The following LOC400499 variants were observed in gnomAD, a reference collection of about 807,000 sequenced individuals.
At chr16:11,391,692 A>G in the LOC400499 span, 39 of 1,232,032 alleles carry the variant, frequency 3.2e-5, no homozygotes, top group Non-Finnish European at 9.1e-6. Flanking sequence ...CAGCTGCTCC[A>G]GCCCCACCTG....
the LOC400499 span, among the ~76,000 whole-genome samples, chr16:11,448,357 G>C: frequency 6.6e-6 from 1 of 152,204 alleles, no homozygotes; most frequent in East Asian, 1.9e-4. Context: ...CTTTGCTAAA[G>C]TGACCAGGGT....
At chr16:11,485,568 C>T in the LOC400499 span, among the ~76,000 whole-genome samples, 5 of 152,142 alleles carry the variant, frequency 3.3e-5, no homozygotes, top group African/African-American at 4.8e-5. Context: ...TGCCCGTCCG[C>T]GCACCCCTCT....
chr16:11,384,276 C>T, the LOC400499 span: 1 of 1,232,454 alleles, frequency 8.1e-7, no homozygotes, highest in Non-Finnish European at 1.0e-6. Flanking sequence ...GCAACATCAG[C>T]TCATTGCCTG....
At chr16:11,389,914 G>A in the LOC400499 span, among the ~76,000 whole-genome samples, 2 of 152,056 alleles carry the variant, frequency 1.3e-5, no homozygotes, top group Admixed American at 6.6e-5. Flanking sequence ...GCCTACCCTC[G>A]GCCAGTGCTC....
chr16:11,522,579 T>C, the LOC400499 span, among the ~76,000 whole-genome samples: 1 of 152,194 alleles, frequency 6.6e-6, no homozygotes, highest in African/African-American at 2.4e-5. Flanking sequence ...TTGAGAAGCA[T>C]TCATCTACAG....
the LOC400499 span, among the ~76,000 whole-genome samples, chr16:11,501,249 A>G: frequency 6.6e-6 from 1 of 152,148 alleles, no homozygotes; most frequent in Admixed American, 6.5e-5. Context: ...AAACCCACCC[A>G]AGCAAATGTC....
At chr16:11,473,314 T>C in the LOC400499 span, 1 of 150,152 alleles carries the variant, frequency 6.7e-6, no homozygotes, top group Non-Finnish European at 1.5e-5. Context: ...TATATCTTCA[T>C]TAAATAGAGC....
At chr16:11,400,236 A>G in the LOC400499 span, among the ~76,000 whole-genome samples, 1 of 151,640 alleles carries the variant, frequency 6.6e-6, no homozygotes, top group East Asian at 1.9e-4. Flanking sequence ...TTTCCCTTCC[A>G]GCCCTCCCCA....
chr16:11,514,271 G>C, the LOC400499 span: 10 of 398,606 alleles, frequency 2.5e-5, no homozygotes, highest in African/African-American at 1.2e-4. Flanking sequence ...CGGGACAGAG[G>C]AACGGAACCT....
the LOC400499 span, chr16:11,469,497 G>A: frequency 1.8e-5 from 7 of 399,106 alleles, no homozygotes; most frequent in Admixed American, 2.2e-4. Flanking sequence ...AGGGAGGGAC[G>A]TTGACATTAC....
chr16:11,463,677 G>A, the LOC400499 span, among the ~76,000 whole-genome samples: 2 of 152,128 alleles, frequency 1.3e-5, no homozygotes, highest in Non-Finnish European at 2.9e-5. Flanking sequence ...ATGGATGTGT[G>A]TGTACGGACA....
At chr16:11,392,083 C>G in the LOC400499 span, 1 of 399,296 alleles carries the variant, frequency 2.5e-6, no homozygotes, top group Non-Finnish European at 4.4e-6. Flanking sequence ...CACCTGGGAG[C>G]CAACTGCTGC....
chr16:11,486,260 TGGATGGATGGAG>T, the LOC400499 span, among the ~76,000 whole-genome samples: 6 of 66,276 alleles, frequency 9.1e-5, no homozygotes, highest in East Asian at 1.3e-3. Context: ...AGTGAATAGA[TGGATGGATGGAG>T]GGATGGATGG....
At chr16:11,516,156 T>G in the LOC400499 span, 2 of 399,754 alleles carry the variant, frequency 5.0e-6, no homozygotes, top group Non-Finnish European at 8.8e-6. Flanking sequence ...TCAAAGGTCT[T>G]GGGGCTGTGG....
the LOC400499 span, chr16:11,443,329 TCAAAAAAAAA>T: frequency 5.2e-6 from 1 of 192,782 alleles, no homozygotes; most frequent in Non-Finnish European, 9.5e-6. Flanking sequence ...ATCCTCAGTC[TCAAAAAAAAA>T]AAAAAAAAAA....
the LOC400499 span, chr16:11,508,595 G>C: frequency 2.5e-6 from 1 of 396,694 alleles, no homozygotes; most frequent in Non-Finnish European, 4.4e-6. Context: ...CCCACCCATA[G>C]GTGACAGCCC....
At chr16:11,480,157 C>T in the LOC400499 span, among the ~76,000 whole-genome samples, 32,968 of 152,128 alleles carry the variant, frequency 0.22, 3,726 homozygotes, top group African/African-American at 0.27. Flanking sequence ...ACACTGAGGC[C>T]AAGTATCTGC....
chr16:11,426,515 G>T, the LOC400499 span, among the ~76,000 whole-genome samples: 1 of 151,576 alleles, frequency 6.6e-6, no homozygotes, highest in Middle Eastern at 3.2e-3. Flanking sequence ...AATTTTGAAT[G>T]TTTTCTTTGT....
the LOC400499 span, chr16:11,472,053 T>C: frequency 7.9e-6 from 3 of 379,980 alleles, no homozygotes; most frequent in Admixed American, 4.5e-5. Flanking sequence ...CTGTGCATTA[T>C]GGGATGTTTC....
Sources: gnomAD v4.1 joint callset for allele counts (sites outside exome capture counted in the v4.1 genomes callset) on GRCh38, gnomAD v4.1.1 for gene constraint, MANE v1.5 for transcripts.